XPO1: variants seen among roughly 807,000 people sequenced by gnomAD.
XPO1 encodes exportin-1.
In XPO1, 5 loss-of-function variants were observed where a neutral mutation model predicts 133.3. The ratio of observed to expected loss-of-function variants is 0.04; its 90% CI spans 0.02 to 0.08. The LOEUF is 0.08. XPO1 is among the 10% of genes least tolerant of loss of function. XPO1 has a pLI of 1.00. For synonymous variants in XPO1, 419 were observed against 408.2 expected (o/e 1.03, Z -0.32); for missense variants, 506 against 1,267.5 (o/e 0.40, Z 9.12).
chr2:61,484,161 A>AG (rs1442491514), intron 20 of XPO1, 56 bp from the exon 21 acceptor site: 3 of 1,487,084 alleles, frequency 2.0e-6, no homozygotes, highest in African/African-American at 1.4e-5. Flanking sequence ...TGTGCTAGAC[A>AG]GGAGGGGAAA....
intron 6 of XPO1, among the ~76,000 whole-genome samples, chr2:61,500,578 C>CAAAAAAAAAAAAAAA (rs56213841): frequency 1.7e-4 from 7 of 40,406 alleles, no homozygotes; most frequent in African/African-American, 8.1e-4. Context: ...GACTCCATCT[C>CAAAAAAAAAAAAAAA]AAAAAAAAAA....
chr2:61,483,738 A>AT (rs1285917390), intron 21 of XPO1, 199 bp downstream of exon 21: 1 of 561,894 alleles, frequency 1.8e-6, no homozygotes, highest in African/African-American at 1.9e-5. Flanking sequence ...CGCTCTCCCC[A>AT]TAACTCAATT....
At chr2:61,519,473 G>A (rs1452230442) in intron 4 of XPO1, among the ~76,000 whole-genome samples, 1 of 151,372 alleles carries the variant, frequency 6.6e-6, no homozygotes, top group Non-Finnish European at 1.5e-5. Flanking sequence ...CGAGGCGGGA[G>A]GACCAAAAGG....
At chr2:61,488,509 C>T in intron 18 of XPO1, 79 bp downstream of exon 18, 1 of 1,440,298 alleles carries the variant, frequency 6.9e-7, no homozygotes, top group Non-Finnish European at 9.4e-7. Flanking sequence ...CTGTAAAAAA[C>T]ATCAAATGTT....
intron 4 of XPO1, among the ~76,000 whole-genome samples, chr2:61,520,573 C>T (rs1345412168): frequency 6.6e-6 from 1 of 152,066 alleles, no homozygotes; most frequent in Non-Finnish European, 1.5e-5. Flanking sequence ...GATTGCTTGA[C>T]CGCAGCTATT....
intron 2 of XPO1, among the ~76,000 whole-genome samples, chr2:61,529,440 G>A (rs1310582795): frequency 6.6e-6 from 1 of 152,030 alleles, no homozygotes; most frequent in Non-Finnish European, 1.5e-5. Context: ...GGTGGATCAC[G>A]AGGTCAGAAG....
chr2:61,480,687 T>TA (rs1333507475), intron 24 of XPO1: 1 of 152,342 alleles, frequency 6.6e-6, no homozygotes, highest in South Asian at 2.1e-4. Flanking sequence ...GACTAATTCT[T>TA]ATTCAACAAT....
rs1459071923 is a variant in XPO1 at position 61,498,856 on chromosome 2, AAC to A, written c.639+7_639+8del. 7 of 1,606,020 alleles carry A rather than the reference AAC, an allele frequency of 4.4e-6. No individual in the cohort carries two copies. The highest frequency in any genetic ancestry group is 6.0e-6 in the Non-Finnish European group (7 of 1,176,446). On this transcript the variant is annotated splice_region_variant and intron_variant, in intron 8 of 24. Coordinates refer to ENST00000401558, the MANE Select transcript of XPO1 (RefSeq NM_003400.4). The stretch of plus-strand genomic sequence containing the variant: ...TATTGTTTTTAAAAATGAAATTAAA[AAC>A]ACTTACCATTACAAACTGACACAGT...
intron 2 of XPO1, among the ~76,000 whole-genome samples, chr2:61,528,541 G>A (rs1699008185): frequency 1.3e-5 from 2 of 151,440 alleles, no homozygotes; most frequent in Admixed American, 1.3e-4. Flanking sequence ...GCTGAGGCAG[G>A]AGAATCGCTT....
At chr2:61,506,830 G>T (rs767036621) in intron 4 of XPO1, among the ~76,000 whole-genome samples, 1 of 152,004 alleles carries the variant, frequency 6.6e-6, no homozygotes, top group Non-Finnish European at 1.5e-5. Flanking sequence ...CTGACTTTTT[G>T]TTCTAAATAA....
At chr2:61,480,898 C>A (rs925612317) in intron 24 of XPO1, among the ~76,000 whole-genome samples, 2 of 149,486 alleles carry the variant, frequency 1.3e-5, no homozygotes, top group African/African-American at 5.1e-5. Context: ...GAACTACCAA[C>A]GTTTTTCTTA....
At chr2:61,493,839 G>C in intron 12 of XPO1, 55 bp downstream of exon 12, 2 of 1,569,156 alleles carry the variant, frequency 1.3e-6, no homozygotes, top group Non-Finnish European at 8.7e-7. Context: ...TTTGGATTCA[G>C]ACCTCAAAAC....
At chr2:61,517,423 A>G (rs1403526313) in intron 4 of XPO1, among the ~76,000 whole-genome samples, 2 of 152,116 alleles carry the variant, frequency 1.3e-5, no homozygotes, top group African/African-American at 2.4e-5. Context: ...GTCTCTATCA[A>G]AATTAGAAAA....
At chr2:61,493,857 T>C (rs940649800) in intron 12 of XPO1, 37 bp downstream of exon 12, 14 of 1,607,196 alleles carry the variant, frequency 8.7e-6, no homozygotes, top group African/African-American at 6.7e-5. Flanking sequence ...AACCACAGTA[T>C]GCAACAGGAA....
rs79646799 is a variant in XPO1, at chr2:61,485,613, C to A, written c.2508+155G>T. The A allele has an allele frequency of 1.1e-3, 814 of 730,898 alleles. 3 individuals are homozygous for A. The highest frequency in any genetic ancestry group is 0.011 in the African/African-American group (601 of 55,532). The allele number at this position is 730,898 out of a possible 1,614,324, so 45.3% of individuals were successfully genotyped here. On this transcript the variant is annotated intron_variant, in intron 20 of 24. Coordinates refer to ENST00000401558, the MANE Select transcript of XPO1 (RefSeq NM_003400.4). ...GTTTCAAACTCCTGGGAAGTAAGTT[C>A]TTGAAAACCAAGAAAGTATTTCCCT...
At chr2:61,513,713 A>C (rs1304488614) in intron 4 of XPO1, among the ~76,000 whole-genome samples, 1 of 152,212 alleles carries the variant, frequency 6.6e-6, no homozygotes, top group Non-Finnish European at 1.5e-5. Flanking sequence ...AAAGAAAAAA[A>C]AATCAACACT....
intron 7 of XPO1, among the ~76,000 whole-genome samples, chr2:61,499,334 A>G (rs1451379364): frequency 6.6e-6 from 1 of 152,162 alleles, no homozygotes; most frequent in East Asian, 1.9e-4. Context: ...AATCACCTCA[A>G]TCCAGGAGGT....
intron 4 of XPO1, 56 bp downstream of exon 4, chr2:61,522,555 C>T (rs3732171): frequency 0.61 from 898,289 of 1,471,006 alleles, 275,530 homozygotes; most frequent in Middle Eastern, 0.7. Flanking sequence ...CAGTCAACTA[C>T]AATAAAAATG....
rs748714556 is a variant in XPO1, at chr2:61,488,598, G to T, written c.2196C>A (p.Ile732=). ...KCLSENISAA[I]QANGEMVTKQ... The stretch of plus-strand genomic sequence containing the variant: ...ATCAGAATCACCTACCATTAGCTTG[G>T]ATAGCTGCAGAAATATTTTCACTGA... The change falls in exon 18 of 25, where the codon ATC becomes ATA. Residue 732 remains isoleucine (I), a synonymous_variant. Transcript: ENST00000401558. 2 of 1,613,480 alleles carry T rather than the reference G, an allele frequency of 1.2e-6. No individual in the cohort carries two copies. Among genetic ancestry groups the T allele is most frequent in the Non-Finnish European group, 1.7e-6 (2 of 1,179,644 alleles).
Sources: allele counts gnomAD v4.1 joint callset (sites outside exome capture counted in the v4.1 genomes callset), GRCh38; gene constraint gnomAD v4.1.1; transcripts MANE v1.5; gene names NCBI Gene and HGNC (gene_info 2026-07-23, HGNC 2026-07-21).